Variants in ARID2 observed in about 807,000 individuals in gnomAD.
The protein encoded by ARID2 is AT-rich interactive domain-containing protein 2.
ARID2 carries 32 observed loss-of-function variants against 184.6 expected under a neutral mutation model. That is an observed-to-expected ratio of 0.17 (90% confidence interval 0.13 to 0.23). The LOEUF (loss-of-function observed/expected upper bound fraction) is 0.23. ARID2 is among the 10% of genes least tolerant of loss of function. ARID2 has a pLI of 1.00. For synonymous variants in ARID2, 836 were observed against 772.6 expected, an observed-to-expected ratio of 1.08 and a Z score of -1.36; for missense variants, 1,696 against 2,197.6, an observed-to-expected ratio of 0.77 and a Z score of 4.56.
chr12:45,846,805 A>G (rs2138149929), intron 11 of ARID2, 51 bp from the exon 12 acceptor site: 3 of 1,570,608 alleles, frequency 1.9e-6, no homozygotes, highest in Non-Finnish European at 1.7e-6. Context: ...AGTATGGCAA[A>G]TAGTGACTAA....
chr12:45,764,903 G>A (rs1941743934), intron 3 of ARID2, among the ~76,000 whole-genome samples: 1 of 152,134 alleles, frequency 6.6e-6, no homozygotes, highest in African/African-American at 2.4e-5. Context: ...ATATTTATTT[G>A]ATCTCATAAG....
chr12:45,774,735 G>A (rs1941942845), intron 3 of ARID2, among the ~76,000 whole-genome samples: 1 of 152,156 alleles, frequency 6.6e-6, no homozygotes, highest in Non-Finnish European at 1.5e-5. Context: ...ACACTAGGCA[G>A]CCATGTACAC....
intron 20 of ARID2, among the ~76,000 whole-genome samples, chr12:45,896,119 T>C (rs1944365140): frequency 1.3e-5 from 2 of 152,312 alleles, no homozygotes; most frequent in South Asian, 4.1e-4. Context: ...GAGGTGAGGG[T>C]TGCAGATGCA....
chr12:45,750,897 G>C (rs924330131), intron 3 of ARID2, among the ~76,000 whole-genome samples: 6 of 152,158 alleles, frequency 3.9e-5, no homozygotes, highest in South Asian at 2.1e-4. Context: ...AGTACAAAGT[G>C]GTGGGGCTAG....
intron 1 of ARID2, 32 bp from the exon 2 acceptor site, chr12:45,730,012 C>A (rs759457779): frequency 6.2e-7 from 1 of 1,610,678 alleles, no homozygotes; most frequent in Non-Finnish European, 8.5e-7. Context: ...GGGGTCCCGG[C>A]TGACAAGTGC....
At position 45,905,679 on chromosome 12, in the gene ARID2, T is replaced by G. The variant is rs1273423368; in HGVS notation, c.*601T>G. 4.3e-6 allele frequency: 1 copy of G among 232,786 alleles called. No individual in the cohort carries two copies. Among genetic ancestry groups the G allele is most frequent in the African/African-American group, 2.2e-5 (1 of 45,316 alleles). The allele number at this position is 232,786 out of a possible 1,614,324, so 14.4% of individuals were successfully genotyped here. On this transcript the variant is annotated 3_prime_UTR_variant, in exon 21 of 21. Transcript: ENST00000334344. ...TTATTATCATAAAAATTTACCAGTC[T>G]GAATAGATCTTGTAAATATTTGTGA...
chr12:45,799,758 A>G (rs1942460209), intron 3 of ARID2, among the ~76,000 whole-genome samples: 1 of 152,206 alleles, frequency 6.6e-6, no homozygotes, highest in Non-Finnish European at 1.5e-5. Flanking sequence ...TAAATACCAA[A>G]AGATATAGAA....
chr12:45,766,221 G>A (rs1423723692), intron 3 of ARID2, among the ~76,000 whole-genome samples: 1 of 151,410 alleles, frequency 6.6e-6, no homozygotes. Flanking sequence ...AGACTGGAGT[G>A]CAGTGGCGCA....
chr12:45,811,470 G>T lies in ARID2; in HGVS notation c.337G>T (p.Val113Leu). 6.2e-7 allele frequency: 1 copy of T among 1,613,570 alleles called. No individual in the cohort carries two copies. The highest frequency in any genetic ancestry group is 8.5e-7 in the Non-Finnish European group (1 of 1,179,664). Residue 113 changes from valine (V) to leucine (L), a missense_variant, in exon 4 of 21, where the codon GTA becomes TTA. Physicochemically the swap from Val to Leu is conservative, Grantham distance 32 (BLOSUM62 1). This residue lies in a region of ARID2 where 148 missense variants were observed against 285.4 expected (regional missense o/e 0.52). Coordinates refer to ENST00000334344, the MANE Select transcript of ARID2 (RefSeq NM_152641.4). ...TCATTTTGGGGAGGATGATGATGAGGTACCACCAGGCAATCCAAAGCCACA... is the reference window on the plus strand; with the variant it reads ...TCATTTTGGGGAGGATGATGATGAGTTACCACCAGGCAATCCAAAGCCACA... Reference protein sequence around the residue: ...VHHFGEDDDEVPPGNPKPQLP... With the variant: ...VHHFGEDDDELPPGNPKPQLP...
chr12:45,732,120 A>C (rs1440878396), intron 3 of ARID2, among the ~76,000 whole-genome samples: 1 of 151,246 alleles, frequency 6.6e-6, no homozygotes, highest in Non-Finnish European at 1.5e-5. Context: ...TTCATACTGT[A>C]ATTTATCATG....
chr12:45,869,510 T>C (rs1344962774), intron 16 of ARID2, among the ~76,000 whole-genome samples: 1 of 152,194 alleles, frequency 6.6e-6, no homozygotes, highest in Non-Finnish European at 1.5e-5. Context: ...TTAGTTGTTA[T>C]AAATGATCTC....
At chr12:45,813,436 G>T (rs1942747621) in intron 4 of ARID2, among the ~76,000 whole-genome samples, 1 of 145,424 alleles carries the variant, frequency 6.9e-6, no homozygotes, top group African/African-American at 2.6e-5. Context: ...TAAGCTCCGT[G>T]TGTGTGTGCG....
intron 3 of ARID2, among the ~76,000 whole-genome samples, chr12:45,748,397 A>G (rs1182562663): frequency 6.6e-6 from 1 of 152,228 alleles, no homozygotes; most frequent in Non-Finnish European, 1.5e-5. Context: ...CTTGTCTCAA[A>G]AAAAAGAAAA....
At chr12:45,747,264 CGTG>C (rs1374676417) in intron 3 of ARID2, among the ~76,000 whole-genome samples, 1 of 151,888 alleles carries the variant, frequency 6.6e-6, no homozygotes, top group African/African-American at 2.4e-5. Context: ...TTTGTAATAA[CGTG>C]TGTGTTGCTG....
In ARID2 at chr12:45,874,517, T is replaced by C. The variant is rs149333203; in HGVS notation, c.4922+13568T>C. Among the ~76,000 whole-genome samples the C allele has an allele frequency of 2.7e-3, 416 of 152,288 alleles. 3 individuals are homozygous for C. The highest frequency in any genetic ancestry group is 9.4e-3 in the African/African-American group (391 of 41,548). On this transcript the variant is annotated intron_variant, in intron 16 of 20. Transcript: ENST00000334344. ...CCCTAAGAAGCAACTCCTCATCCAT[T>C]CAAATTTTATCATAAGATTTTAGCA...
chr12:45,731,705 T>C (rs1325727931), intron 3 of ARID2, among the ~76,000 whole-genome samples: 5 of 152,128 alleles, frequency 3.3e-5, no homozygotes, highest in Non-Finnish European at 7.4e-5. Context: ...GAAACTCCTT[T>C]AGTTTTAAAA....
chr12:45,896,300 T>C (rs542133550), intron 20 of ARID2, among the ~76,000 whole-genome samples: 2 of 152,188 alleles, frequency 1.3e-5, no homozygotes, highest in South Asian at 4.1e-4. Context: ...GGTGCTATGA[T>C]TGGAAGCAGA....
At chr12:45,845,009 GC>G (rs1943416403) in intron 11 of ARID2, among the ~76,000 whole-genome samples, 1 of 152,122 alleles carries the variant, frequency 6.6e-6, no homozygotes, top group South Asian at 2.1e-4. Flanking sequence ...CAAAGTATAA[GC>G]ACCTTCATTT....
At chr12:45,828,394 G>C (rs1017618156) in intron 6 of ARID2, among the ~76,000 whole-genome samples, 1 of 152,020 alleles carries the variant, frequency 6.6e-6, no homozygotes, top group Non-Finnish European at 1.5e-5. Flanking sequence ...GTTATTTCCA[G>C]GTTGGACACA....
Sources: gnomAD v4.1 joint callset for allele counts (sites outside exome capture counted in the v4.1 genomes callset) on GRCh38, gnomAD v4.1.1 for gene constraint, gnomAD v4.1.1 regional missense constraint, MANE v1.5 for transcripts, NCBI Gene and HGNC (gene_info 2026-07-23, HGNC 2026-07-21) for gene names.